Variants in CNTN5 observed in about 807,000 individuals in gnomAD.
CNTN5 encodes contactin-5.
CNTN5 carries 77 observed loss-of-function variants against 129.1 expected under a neutral mutation model. The ratio of observed to expected loss-of-function variants is 0.60; its 90% confidence interval spans 0.50 to 0.72. The LOEUF (loss-of-function observed/expected upper bound fraction) is 0.72, where lower values mean the gene tolerates loss of function less well. Ranked by LOEUF, CNTN5 falls within the 30% of genes least tolerant of loss-of-function variation. The pLI is 0.00. For synonymous variants in CNTN5, 509 were observed against 465.6 expected (o/e 1.09, Z -1.20); for missense variants, 1,478 against 1,328.8 (o/e 1.11, Z -1.75).
intron 2 of CNTN5, among the ~76,000 whole-genome samples, chr11:99,497,666 T>G (rs546638240): frequency 6.6e-6 from 1 of 152,312 alleles, no homozygotes; most frequent in African/African-American, 2.4e-5. Context: ...GATTATGAGC[T>G]TGAAAATAAA....
intron 3 of CNTN5, among the ~76,000 whole-genome samples, chr11:99,666,293 G>A (rs1031456016): frequency 1.3e-5 from 2 of 152,126 alleles, no homozygotes; most frequent in Non-Finnish European, 2.9e-5. Context: ...AACTTAAAAA[G>A]TTATTTTCCC....
At chr11:99,074,586 T>G (rs1330333642) in intron 1 of CNTN5, among the ~76,000 whole-genome samples, 2 of 152,258 alleles carry the variant, frequency 1.3e-5, no homozygotes, top group Admixed American at 6.5e-5. Context: ...TCAAGTAAAC[T>G]TCAGCCTCCC....
intron 17 of CNTN5, among the ~76,000 whole-genome samples, chr11:100,267,951 A>G (rs1039430753): frequency 6.6e-6 from 1 of 152,210 alleles, no homozygotes; most frequent in African/African-American, 2.4e-5. Context: ...CTTTTATGAC[A>G]GAGGTCATAA....
chr11:99,911,536 A>G (rs962964128), intron 6 of CNTN5, among the ~76,000 whole-genome samples: 1 of 151,936 alleles, frequency 6.6e-6, no homozygotes, highest in African/African-American at 2.4e-5. Flanking sequence ...AAACCAAGCT[A>G]TTATATTTAA....
intron 2 of CNTN5, among the ~76,000 whole-genome samples, chr11:99,424,534 T>A (rs1350967447): frequency 1.3e-5 from 2 of 150,438 alleles, no homozygotes. Context: ...GGCAGGCAGC[T>A]CCTGGCACTG....
At chr11:99,292,989 G>C (rs1232836210) in intron 1 of CNTN5, among the ~76,000 whole-genome samples, 1 of 152,096 alleles carries the variant, frequency 6.6e-6, no homozygotes, top group Non-Finnish European at 1.5e-5. Flanking sequence ...CACTTAATAG[G>C]CCCCCCTTTA....
At chr11:99,650,395 A>G (rs1355641908) in intron 3 of CNTN5, among the ~76,000 whole-genome samples, 7 of 151,904 alleles carry the variant, frequency 4.6e-5, no homozygotes, top group Admixed American at 4.6e-4. Flanking sequence ...TAAAGCTATG[A>G]TAACATAAAT....
rs372426230 is a variant in CNTN5 at position 99,563,368 on chromosome 11, A to G, written c.55+7099A>G. Among the ~76,000 whole-genome samples the G allele has an allele frequency of 2.2e-4, 34 of 152,290 alleles. 1 individual carries two copies. The South Asian group carries it at 6.6e-3, about 30-fold the overall frequency. On this transcript the variant is annotated intron_variant, in intron 3 of 24. Coordinates refer to ENST00000524871, the MANE Select transcript of CNTN5 (RefSeq NM_014361.4). ...TGTAAACCTAGGAAAAGGAGAAAGAATGGTAGAGAGCTTGGAAAAGACAAA... is the reference window on the plus strand; with the variant it reads ...TGTAAACCTAGGAAAAGGAGAAAGAGTGGTAGAGAGCTTGGAAAAGACAAA...
chr11:99,949,515 T>C (rs1476837728), intron 7 of CNTN5, among the ~76,000 whole-genome samples: 1 of 152,158 alleles, frequency 6.6e-6, no homozygotes, highest in Non-Finnish European at 1.5e-5. Context: ...GTGAATGCTT[T>C]TTAATGCAAA....
At chr11:99,591,085 G>A (rs1949964131) in intron 3 of CNTN5, among the ~76,000 whole-genome samples, 2 of 152,106 alleles carry the variant, frequency 1.3e-5, no homozygotes, top group South Asian at 2.1e-4. Flanking sequence ...TGCCTTTGAT[G>A]TAACATCTCC....
chr11:99,143,333 ATATG>A lies in CNTN5; in HGVS notation c.-210+122069_-210+122072del, dbSNP rs985126691. On this transcript the variant is annotated intron_variant, in intron 1 of 24. Transcript: ENST00000524871. ...ATATATATTTTAAAATATGTAATAT[ATATG>A]TATGTGTGTATATATGTAAATATAT... is the stretch of plus-strand genomic sequence containing the variant. 8.7e-3 allele frequency among the ~76,000 whole-genome samples: 1,183 copies of A among 136,208 alleles called. 19 individuals carry two copies. Among genetic ancestry groups the A allele is most frequent in the African/African-American group, 0.027 (1,083 of 39,844 alleles). The allele number at this position is 136,208 out of a possible 152,430, so 89.4% of individuals were successfully genotyped here. A position where few individuals can be genotyped will look rare whatever the true frequency, so the allele number is the denominator to read the frequency against.
chr11:99,505,802 A>AG, intron 2 of CNTN5, among the ~76,000 whole-genome samples: 1 of 152,320 alleles, frequency 6.6e-6, no homozygotes, highest in East Asian at 1.9e-4. Flanking sequence ...GTGTTGCTAA[A>AG]GGATCTTCCT....
chr11:99,627,011 A>T (rs958151696), intron 3 of CNTN5, among the ~76,000 whole-genome samples: 2 of 152,102 alleles, frequency 1.3e-5, no homozygotes, highest in Admixed American at 6.6e-5. Context: ...CCTTTTCTCC[A>T]TGTAGTTTCA....
At chr11:99,181,511 A>G (rs1858064333) in intron 1 of CNTN5, among the ~76,000 whole-genome samples, 1 of 152,138 alleles carries the variant, frequency 6.6e-6, no homozygotes. Context: ...CTCCCGCGGC[A>G]ACTCCACACA....
chr11:99,740,274 T>C (rs1943846936), intron 3 of CNTN5, among the ~76,000 whole-genome samples: 3 of 152,018 alleles, frequency 2.0e-5, no homozygotes, highest in Admixed American at 2.0e-4. Flanking sequence ...ACTGAAAAGG[T>C]AAGAAAAATT....
At chr11:100,081,924 GAA>G (rs529948373) in intron 13 of CNTN5, among the ~76,000 whole-genome samples, 1 of 152,002 alleles carries the variant, frequency 6.6e-6, no homozygotes, top group East Asian at 1.9e-4. Flanking sequence ...AGCACTGAGA[GAA>G]AAAAGAGACA....
intron 3 of CNTN5, among the ~76,000 whole-genome samples, chr11:99,694,124 AG>A (rs1478912262): frequency 6.6e-6 from 1 of 152,078 alleles, no homozygotes; most frequent in African/African-American, 2.4e-5. Flanking sequence ...GAAAAGGCAG[AG>A]AAAGCTAGAA....
chr11:100,134,509 T>C (rs950576355), intron 13 of CNTN5, among the ~76,000 whole-genome samples: 4 of 152,312 alleles, frequency 2.6e-5, no homozygotes, highest in Middle Eastern at 3.4e-3. Flanking sequence ...TAATAAATGA[T>C]AAACTGGAGT....
chr11:99,696,030 A>G (rs970033390), intron 3 of CNTN5, among the ~76,000 whole-genome samples: 1 of 149,598 alleles, frequency 6.7e-6, no homozygotes, highest in African/African-American at 2.4e-5. Flanking sequence ...CATTTCATAT[A>G]TTTAATTAGG....
Sources: gnomAD v4.1 joint callset for allele counts (sites outside exome capture counted in the v4.1 genomes callset) on GRCh38, gnomAD v4.1.1 for gene constraint, MANE v1.5 for transcripts, NCBI Gene and HGNC (gene_info 2026-07-23, HGNC 2026-07-21) for gene names.